Variants in ZNF566 observed in about 807,000 individuals in gnomAD.
The protein encoded by ZNF566 is zinc finger protein 566.
ZNF566 carries 27 observed loss-of-function variants against 32.8 expected under a neutral mutation model. The observed-to-expected ratio is 0.82, with a 90% CI of 0.61 to 1.14. The LOEUF (loss-of-function observed/expected upper bound fraction) is 1.14. Among genes scored for constraint, ZNF566 ranks in the 50% most tolerant of loss-of-function variants. The probability of loss-of-function intolerance (pLI) is 0.00; values close to 1 mark genes in which losing one functional copy is unlikely to be tolerated. For missense variants in ZNF566, 402 were observed against 490.4 expected (o/e 0.82, Z 1.70); for synonymous variants, 154 against 159.5 (o/e 0.97, Z 0.26).
intron 4 of ZNF566, among the ~76,000 whole-genome samples, chr19:36,458,089 A>C (rs1216695693): frequency 6.6e-6 from 1 of 152,186 alleles, no homozygotes; most frequent in Non-Finnish European, 1.5e-5. Context: ...CAGCAAGCTT[A>C]CTTCTGGGTA....
chr19:36,459,266 T>C (rs962419333), intron 4 of ZNF566, among the ~76,000 whole-genome samples: 1 of 152,188 alleles, frequency 6.6e-6, no homozygotes, highest in Middle Eastern at 3.2e-3. Context: ...AGTATTCAGA[T>C]GGTTCCCTTT....
At chr19:36,460,403 C>T (rs1872958433) in intron 4 of ZNF566, among the ~76,000 whole-genome samples, 1 of 152,004 alleles carries the variant, frequency 6.6e-6, no homozygotes, top group Non-Finnish European at 1.5e-5. Context: ...AGTTTTAGAA[C>T]TGAAAAGTGC....
chr19:36,487,570 A>G (rs1248504199), intron 1 of ZNF566, among the ~76,000 whole-genome samples: 2 of 152,222 alleles, frequency 1.3e-5, no homozygotes, highest in Non-Finnish European at 2.9e-5. Context: ...GCCTGGCATA[A>G]AACAGTACAT....
intron 1 of ZNF566, among the ~76,000 whole-genome samples, chr19:36,486,627 T>G (rs188246836): frequency 1.5e-5 from 2 of 136,014 alleles, no homozygotes; most frequent in African/African-American, 5.7e-5. Context: ...GCTGAGATCA[T>G]GCCATTGCAC....
chr19:36,455,598 C>T (rs1234323823), intron 4 of ZNF566, among the ~76,000 whole-genome samples: 4 of 151,860 alleles, frequency 2.6e-5, no homozygotes, highest in Admixed American at 6.6e-5. Flanking sequence ...AAAAATTAGC[C>T]GGGCAATGGT....
intron 1 of ZNF566, among the ~76,000 whole-genome samples, chr19:36,479,302 T>C (rs1266342467): frequency 6.6e-6 from 1 of 152,186 alleles, no homozygotes; most frequent in Non-Finnish European, 1.5e-5. Flanking sequence ...GAAAGAAAAC[T>C]ATCATTATTC....
At chr19:36,465,591 C>T (rs2033591892) in intron 4 of ZNF566, among the ~76,000 whole-genome samples, 1 of 152,008 alleles carries the variant, frequency 6.6e-6, no homozygotes, top group African/African-American at 2.4e-5. Context: ...CCTGCCTCAG[C>T]CTCCCGAGTA....
intron 1 of ZNF566, among the ~76,000 whole-genome samples, chr19:36,484,587 CTTTTTT>C (rs34052223): frequency 1.1e-4 from 12 of 111,918 alleles, no homozygotes; most frequent in Admixed American, 6.3e-4. Context: ...GGCATAGTTT[CTTTTTT>C]TTTTTTTTTT....
chr19:36,487,100 A>C (rs1331464938), intron 1 of ZNF566, among the ~76,000 whole-genome samples: 2 of 150,260 alleles, frequency 1.3e-5, no homozygotes, highest in African/African-American at 4.9e-5. Context: ...AAAAAAAAAA[A>C]AAAAAACAAA....
chr19:36,477,099 G>A (rs2033906134), intron 1 of ZNF566, among the ~76,000 whole-genome samples: 1 of 151,298 alleles, frequency 6.6e-6, no homozygotes, highest in East Asian at 2.0e-4. Flanking sequence ...CAACCTCCGC[G>A]TCCTGGGTTC....
chr19:36,453,711 G>A (rs962615488), intron 4 of ZNF566, among the ~76,000 whole-genome samples: 6 of 151,626 alleles, frequency 4.0e-5, no homozygotes, highest in Non-Finnish European at 7.4e-5. Context: ...GAGAAACAGG[G>A]TCTTGCTCTG....
chr19:36,468,229 T>A (rs888387737), intron 4 of ZNF566, among the ~76,000 whole-genome samples: 3 of 150,218 alleles, frequency 2.0e-5, no homozygotes, highest in African/African-American at 7.4e-5. Context: ...ATACCGTACA[T>A]TAGGAAGCAT....
At chr19:36,467,808 A>G (rs373248523) in intron 4 of ZNF566, among the ~76,000 whole-genome samples, 56 of 23,022 alleles carry the variant, frequency 2.4e-3, no homozygotes, top group Middle Eastern at 0.033. Flanking sequence ...AAAAAAAAAA[A>G]AAAAAAAAAA....
At chr19:36,450,650 G>GATAGATAGATAAATAAATAAATAA (rs1555769153) in intron 4 of ZNF566, among the ~76,000 whole-genome samples, 2 of 151,724 alleles carry the variant, frequency 1.3e-5, no homozygotes, top group African/African-American at 4.9e-5. Context: ...TCAATAGATA[G>GATAGATAGATAAATAAATAAATAA]ATAAATAAAT....
At chr19:36,463,872 T>C in intron 4 of ZNF566, among the ~76,000 whole-genome samples, 1 of 151,994 alleles carries the variant, frequency 6.6e-6, no homozygotes, top group Non-Finnish European at 1.5e-5. Context: ...ATTACAGTTG[T>C]GTGCTATCAC....
At chr19:36,472,599 T>G (rs1205414962) in intron 4 of ZNF566, among the ~76,000 whole-genome samples, 2 of 152,124 alleles carry the variant, frequency 1.3e-5, no homozygotes, top group Non-Finnish European at 2.9e-5. Context: ...ATGCTTTTAT[T>G]AGACTAAATA....
chr19:36,471,352 C>T (rs1357738249), intron 4 of ZNF566, among the ~76,000 whole-genome samples: 1 of 152,042 alleles, frequency 6.6e-6, no homozygotes, highest in Non-Finnish European at 1.5e-5. Flanking sequence ...CACTCTTTCC[C>T]ACTCCTGCCT....
intron 1 of ZNF566, among the ~76,000 whole-genome samples, chr19:36,487,482 C>T (rs893101808): frequency 6.6e-6 from 1 of 152,042 alleles, no homozygotes; most frequent in African/African-American, 2.4e-5. Context: ...ACAATATATC[C>T]CCAGTATAGT....
chr19:36,477,520 G>GTT (rs1568528944), intron 1 of ZNF566, among the ~76,000 whole-genome samples: 3 of 130,266 alleles, frequency 2.3e-5, no homozygotes, highest in African/African-American at 9.0e-5. Flanking sequence ...CCAGTTTTCT[G>GTT]TTTCTGTTTT....
Sources: gnomAD v4.1 joint callset for allele counts (sites outside exome capture counted in the v4.1 genomes callset) on GRCh38, gnomAD v4.1.1 for gene constraint, MANE v1.5 for transcripts, NCBI Gene and HGNC (gene_info 2026-07-23, HGNC 2026-07-21) for gene names.